The following NDUFS4 variants were observed in gnomAD, a reference collection of about 807,000 sequenced individuals.
The protein encoded by NDUFS4 is NADH dehydrogenase [ubiquinone] iron-sulfur protein 4, mitochondrial.
In NDUFS4, 28 loss-of-function variants were observed where a neutral mutation model predicts 24.3. The observed-to-expected ratio is 1.15, with a 90% CI of 0.85 to 1.58. The LOEUF is 1.58. NDUFS4 is among the 40% of genes most tolerant of loss of function. The pLI is 0.00. For synonymous variants in NDUFS4, 93 were observed against 69.7 expected (o/e 1.34, Z -1.67); for missense variants, 223 against 207.9 (o/e 1.07, Z -0.45).
chr5:53,671,960 A>T (rs550344133), intron 4 of NDUFS4, among the ~76,000 whole-genome samples: 8 of 152,270 alleles, frequency 5.3e-5, no homozygotes, highest in African/African-American at 1.9e-4. Flanking sequence ...TTTCAGGAAT[A>T]GGAGGGCTGA....
intron 1 of NDUFS4, among the ~76,000 whole-genome samples, chr5:53,576,461 TG>T (rs1361093348): frequency 1.3e-5 from 2 of 152,234 alleles, no homozygotes; most frequent in Admixed American, 1.3e-4. Flanking sequence ...TATTTCAGAT[TG>T]TTTTTTTCCC....
chr5:53,560,734 C>T lies in NDUFS4; in HGVS notation c.72C>T (p.Ala24=), dbSNP rs571429136. ...GGAGAAGGGCAGTGGCTGTAGCTGC[C>T]CTTTCCGTTTCCAGGGTTCCGACCA... ...LWRRRAVAVA[A]LSVSRVPTRS... is the part of the protein sequence containing the mutation. Residue 24 remains alanine, a synonymous_variant, in exon 1 of 5, where the codon GCC becomes GCT. Coordinates refer to ENST00000296684, the MANE Select transcript of NDUFS4 (RefSeq NM_002495.4). 1 of 1,614,202 alleles carries T rather than the reference C, an allele frequency of 6.2e-7. No homozygotes were observed. The highest frequency in any genetic ancestry group is 2.2e-5 in the East Asian group (1 of 44,886).
chr5:53,663,027 G>A (rs1335185885), intron 4 of NDUFS4, among the ~76,000 whole-genome samples: 1 of 151,802 alleles, frequency 6.6e-6, no homozygotes, highest in Non-Finnish European at 1.5e-5. Context: ...TTGTGTCTTT[G>A]TTCTCGTTGG....
Position 53,624,621 on chromosome 5 carries a change from C to A in NDUFS4, c.177+21091C>A, listed in dbSNP as rs1162862341. Among the ~76,000 whole-genome samples the A allele has an allele frequency of 4.6e-5, 7 of 152,038 alleles. No individual in the cohort carries two copies. In the East Asian group the frequency reaches 1.3e-3, roughly 29 times the overall value. On this transcript the variant is annotated intron_variant, in intron 2 of 4. Coordinates refer to ENST00000296684, the MANE Select transcript of NDUFS4 (RefSeq NM_002495.4). ...TAAATGGGATTGTTTTTGTAATTTA[C>A]TTTTTAGATTGTTCATTGTGAGTGT...
chr5:53,674,957 G>A (rs1455221074), intron 4 of NDUFS4, among the ~76,000 whole-genome samples: 1 of 151,898 alleles, frequency 6.6e-6, no homozygotes, highest in African/African-American at 2.4e-5. Flanking sequence ...TTACCTACAC[G>A]ATATGAACTT....
At chr5:53,615,295 A>C (rs559296009) in intron 2 of NDUFS4, among the ~76,000 whole-genome samples, 62 of 152,088 alleles carry the variant, frequency 4.1e-4, no homozygotes, top group Non-Finnish European at 3.1e-4. Context: ...GTTCTCAATG[A>C]AGGTAGGGTG....
At chr5:53,591,411 C>T (rs1009118714) in intron 1 of NDUFS4, among the ~76,000 whole-genome samples, 2 of 136,094 alleles carry the variant, frequency 1.5e-5, no homozygotes, top group African/African-American at 5.7e-5. Flanking sequence ...GCAAGTGTTC[C>T]ATTTTCTTCA....
intron 1 of NDUFS4, among the ~76,000 whole-genome samples, chr5:53,576,409 C>G (rs1241861428): frequency 6.6e-6 from 1 of 152,160 alleles, no homozygotes; most frequent in Non-Finnish European, 1.5e-5. Context: ...CCACCAGGTT[C>G]TTTTTCTAGT....
intron 2 of NDUFS4, among the ~76,000 whole-genome samples, chr5:53,619,568 T>A (rs113120409): frequency 4.2e-4 from 64 of 151,952 alleles, no homozygotes; most frequent in African/African-American, 1.3e-3. Flanking sequence ...ACATATTTTT[T>A]AAAAACATAG....
At chr5:53,562,764 TGAG>T (rs2112401469) in intron 1 of NDUFS4, among the ~76,000 whole-genome samples, 1 of 152,304 alleles carries the variant, frequency 6.6e-6, no homozygotes, top group South Asian at 2.1e-4. Context: ...TTGATAGTAA[TGAG>T]GATCTGAAAA....
At chr5:53,618,597 A>G (rs1055895761) in intron 2 of NDUFS4, among the ~76,000 whole-genome samples, 8 of 152,144 alleles carry the variant, frequency 5.3e-5, no homozygotes, top group African/African-American at 1.7e-4. Flanking sequence ...CTGTGGCACT[A>G]ATATCATCTG....
At chr5:53,572,256 C>T (rs1334130757) in intron 1 of NDUFS4, among the ~76,000 whole-genome samples, 1 of 152,142 alleles carries the variant, frequency 6.6e-6, no homozygotes, top group East Asian at 1.9e-4. Context: ...ATGTTCCTTT[C>T]TTTCTGATAT....
chr5:53,650,862 G>C lies in NDUFS4; in HGVS notation c.350+4457G>C, dbSNP rs547774900. On this transcript the variant is annotated intron_variant, in intron 3 of 4. Transcript: ENST00000296684. The stretch of plus-strand genomic sequence containing the variant: ...ACAATCATTATTATAGTATTGCTTA[G>C]TCTGGAAATAGCATATTAAATGTTG... 1.1e-4 allele frequency among the ~76,000 whole-genome samples: 16 copies of C among 152,308 alleles called. No individual in the cohort carries two copies. In the South Asian group the frequency reaches 3.1e-3, roughly 30 times the overall value.
chr5:53,643,313 A>G (rs1476406439), intron 2 of NDUFS4, among the ~76,000 whole-genome samples: 1 of 152,174 alleles, frequency 6.6e-6, no homozygotes, highest in Non-Finnish European at 1.5e-5. Context: ...GCTTTTCTAA[A>G]TAGGTTTCAA....
chr5:53,591,857 A>G (rs1749971518), intron 1 of NDUFS4, among the ~76,000 whole-genome samples: 3 of 152,102 alleles, frequency 2.0e-5, no homozygotes. Flanking sequence ...TATCATCTGT[A>G]TATCTTCTTT....
At chr5:53,632,748 T>C (rs777425787) in intron 2 of NDUFS4, among the ~76,000 whole-genome samples, 5 of 152,198 alleles carry the variant, frequency 3.3e-5, no homozygotes, top group Non-Finnish European at 5.9e-5. Context: ...GGTTGTCCAA[T>C]ACCTGAAAAC....
At chr5:53,601,392 G>A (rs1750319484) in intron 1 of NDUFS4, among the ~76,000 whole-genome samples, 1 of 152,100 alleles carries the variant, frequency 6.6e-6, no homozygotes, top group Non-Finnish European at 1.5e-5. Context: ...TATCCTTAAA[G>A]TAAATTATAT....
chr5:53,653,435 G>C (rs1216516828), intron 3 of NDUFS4, among the ~76,000 whole-genome samples: 1 of 152,112 alleles, frequency 6.6e-6, no homozygotes, highest in Non-Finnish European at 1.5e-5. Flanking sequence ...CATTGCCAAA[G>C]CACTTCTAAA....
intron 4 of NDUFS4, among the ~76,000 whole-genome samples, chr5:53,682,610 T>C (rs372589868): frequency 6.6e-6 from 1 of 152,052 alleles, no homozygotes; most frequent in Non-Finnish European, 1.5e-5. Flanking sequence ...CCAAGTAACC[T>C]CTCATGGTCC....
Sources: allele counts gnomAD v4.1 joint callset (sites outside exome capture counted in the v4.1 genomes callset), GRCh38; gene constraint gnomAD v4.1.1; transcripts MANE v1.5; gene names NCBI Gene and HGNC (gene_info 2026-07-23, HGNC 2026-07-21).